RGS5: variants seen among roughly 807,000 people sequenced by gnomAD.
RGS5 encodes the protein regulator of G protein signaling 5.
A neutral mutation model predicts 18.9 loss-of-function variants in RGS5; 20 were observed. The observed-to-expected ratio is 1.06, with a 90% CI of 0.74 to 1.54. The LOEUF (loss-of-function observed/expected upper bound fraction) is 1.54. Among genes scored for constraint, RGS5 ranks in the 40% most tolerant of loss-of-function variants. The pLI is 0.00. For missense variants in RGS5, 201 were observed against 211.8 expected (o/e 0.95, Z 0.32); for synonymous variants, 57 against 76.2 (o/e 0.75, Z 1.31).
At chr1:163,169,215 G>A (rs1389057636) in intron 1 of RGS5, among the ~76,000 whole-genome samples, 16 of 152,060 alleles carry the variant, frequency 1.1e-4, no homozygotes, top group African/African-American at 3.9e-4. Context: ...TGGCTGCATA[G>A]TATTCCATGG....
At chr1:163,208,103 G>A (rs1487583218) in intron 1 of RGS5, among the ~76,000 whole-genome samples, 2 of 151,896 alleles carry the variant, frequency 1.3e-5, no homozygotes, top group Non-Finnish European at 2.9e-5. Flanking sequence ...ACCCAGCCTG[G>A]TTAACAAAGT....
At chr1:163,238,303 T>C (rs889516522) in intron 2 of RGS5, among the ~76,000 whole-genome samples, 3 of 152,180 alleles carry the variant, frequency 2.0e-5, no homozygotes, top group Admixed American at 2.0e-4. Context: ...AAGAATTCAG[T>C]GTCAAAATCA....
intron 2 of RGS5, among the ~76,000 whole-genome samples, chr1:163,301,895 G>A (rs143286243): frequency 5.3e-4 from 80 of 152,056 alleles, no homozygotes; most frequent in Non-Finnish European, 6.2e-4. Flanking sequence ...TTAACCATGT[G>A]ATATTTCAAT....
intron 1 of RGS5, chr1:163,319,285 G>A (rs1650121713): frequency 6.6e-6 from 1 of 152,218 alleles, no homozygotes; most frequent in South Asian, 2.1e-4. Flanking sequence ...AGAATTTAAA[G>A]TGCAGTCTAG....
chr1:163,250,817 G>C (rs1288991007), intron 2 of RGS5, among the ~76,000 whole-genome samples: 2 of 152,136 alleles, frequency 1.3e-5, no homozygotes, highest in African/African-American at 4.8e-5. Context: ...TGAGCAGTTG[G>C]AATTTATGAT....
At chr1:163,210,761 G>A (rs1358323370) in intron 1 of RGS5, 1 of 152,128 alleles carries the variant, frequency 6.6e-6, no homozygotes, top group Non-Finnish European at 1.5e-5. Flanking sequence ...CCATGACACT[G>A]AATTTACTCA....
chr1:163,285,353 G>A (rs560303487), intron 2 of RGS5, among the ~76,000 whole-genome samples: 1 of 151,960 alleles, frequency 6.6e-6, no homozygotes, highest in African/African-American at 2.4e-5. Flanking sequence ...TCAGGAGTTC[G>A]AACCCAGCCT....
intron 2 of RGS5, among the ~76,000 whole-genome samples, chr1:163,285,998 G>GCGCACACA (rs1553226793): frequency 7.4e-6 from 1 of 135,030 alleles, no homozygotes; most frequent in African/African-American, 2.9e-5. Context: ...TTTAATTTAT[G>GCGCACACA]CACACACACA....
At chr1:163,210,772 T>G (rs1290085086) in intron 1 of RGS5, 1 of 152,212 alleles carries the variant, frequency 6.6e-6, no homozygotes, top group Admixed American at 6.5e-5. Flanking sequence ...AATTTACTCA[T>G]GGCTTTTAAT....
chr1:163,188,434 T>A (rs1251670273), intron 1 of RGS5, among the ~76,000 whole-genome samples: 1 of 152,048 alleles, frequency 6.6e-6, no homozygotes, highest in Non-Finnish European at 1.5e-5. Context: ...CAAAAGATAG[T>A]CAACAGGGAG....
At chr1:163,250,214 G>A (rs187376966) in intron 2 of RGS5, among the ~76,000 whole-genome samples, 73 of 152,290 alleles carry the variant, frequency 4.8e-4, no homozygotes, top group Non-Finnish European at 8.7e-4. Context: ...CTGAGCATTA[G>A]AGAGAGAGGA....
chr1:163,175,483 T>C (rs1057333229), intron 1 of RGS5, among the ~76,000 whole-genome samples: 1 of 152,118 alleles, frequency 6.6e-6, no homozygotes, highest in Non-Finnish European at 1.5e-5. Flanking sequence ...AAGAATATGC[T>C]AGTGGAAAGT....
chr1:163,286,017 C>CAT (rs1235162086), intron 2 of RGS5, among the ~76,000 whole-genome samples: 2 of 151,570 alleles, frequency 1.3e-5, no homozygotes, highest in African/African-American at 2.4e-5. Flanking sequence ...CACACACACA[C>CAT]ATGCACACAG....
chr1:163,193,321 A>G (rs1365038050), intron 1 of RGS5, among the ~76,000 whole-genome samples: 1 of 152,188 alleles, frequency 6.6e-6, no homozygotes, highest in Non-Finnish European at 1.5e-5. Flanking sequence ...ATGGTCATCA[A>G]GTATCTACTG....
chr1:163,236,786 A>C (rs12121445), intron 2 of RGS5, among the ~76,000 whole-genome samples: 30,374 of 151,794 alleles, frequency 0.2, 3,434 homozygotes, highest in Non-Finnish European at 0.25. Flanking sequence ...CATGGTGAAA[A>C]CCCATCTCTA....
At chr1:163,173,530 A>G (rs1023052988) in intron 1 of RGS5, among the ~76,000 whole-genome samples, 22 of 152,346 alleles carry the variant, frequency 1.4e-4, no homozygotes, top group South Asian at 6.2e-4. Flanking sequence ...CTTAAGATGC[A>G]TAAGTGTGGA....
chr1:163,154,639 G>A (rs1369730251), intron 3 of RGS5, among the ~76,000 whole-genome samples: 1 of 151,694 alleles, frequency 6.6e-6, no homozygotes, highest in Non-Finnish European at 1.5e-5. Flanking sequence ...AAAACCATTT[G>A]ATAACCTGTA....
intron 2 of RGS5, among the ~76,000 whole-genome samples, chr1:163,295,736 C>T (rs1037128687): frequency 6.6e-6 from 1 of 152,178 alleles, no homozygotes; most frequent in South Asian, 2.1e-4. Context: ...TCTTCAAAGG[C>T]ATCAAGGTTT....
At position 163,254,641 on chromosome 1, in the gene RGS5, CTTTAG is replaced by C. The variant is rs1648219309; in HGVS notation, c.-281+51587_-281+51591del. On this transcript the variant is annotated intron_variant, in intron 2 of 5. Coordinates refer to the RGS5 transcript ENST00000618415. Reference sequence around the variant, plus strand: ...TAGTTTCTTTTGCTGTGCAGAAGAACTTTAGTTTAATTAGATCCCATTTGTCAATT... The same window carrying C: ...TAGTTTCTTTTGCTGTGCAGAAGAACTTTAATTAGATCCCATTTGTCAATT... Among the ~76,000 whole-genome samples, 29 of 152,304 alleles carry C rather than the reference CTTTAG, an allele frequency of 1.9e-4. No individual in the cohort carries two copies. In the South Asian group the frequency reaches 6.0e-3, roughly 32 times the overall value.
Sources: allele counts gnomAD v4.1 joint callset (sites outside exome capture counted in the v4.1 genomes callset), GRCh38; gene constraint gnomAD v4.1.1; transcripts MANE v1.5; gene names NCBI Gene and HGNC (gene_info 2026-07-23, HGNC 2026-07-21).